FREM1: variants seen among roughly 807,000 people sequenced by gnomAD.
FREM1 encodes FRAS1-related extracellular matrix protein 1.
Under a neutral mutation model 210.1 loss-of-function variants are expected in FREM1, and 220 were observed. The ratio of observed to expected loss-of-function variants is 1.05; its 90% CI spans 0.94 to 1.17. The LOEUF is 1.17. Ranked by LOEUF, FREM1 falls within the 50% of genes most tolerant of loss-of-function variation. The pLI, the probability that FREM1 is intolerant of heterozygous loss-of-function variation, is 0.00. For missense variants in FREM1, 3,454 were observed against 2,675.5 expected (o/e 1.29, Z -6.42); for synonymous variants, 1,189 against 980.2 (o/e 1.21, Z -3.98).
Position 14,841,460 on chromosome 9 carries a change from A to G in FREM1, c.1868T>C (p.Leu623Pro), listed in dbSNP as rs778350784. 6.2e-7 allele frequency: 1 copy of G among 1,606,028 alleles called. No homozygotes were observed. Among genetic ancestry groups the G allele is most frequent in the South Asian group, 1.1e-5 (1 of 89,712 alleles). The change falls in exon 10 of 37, where the codon CTT becomes CCT. Residue 623 changes from leucine (L) to proline (P), a missense_variant. By Grantham distance (98) the Leu-to-Pro change is moderately conservative. Coordinates refer to ENST00000380880, the MANE Select transcript of FREM1 (RefSeq NM_001379081.2). ...VLWDSHEPPN[L>P]SVPQVATIHI... ...ACAGTCTCTTACCTGTGGCACTGAA[A>G]GATTTGGAGGTTCATGGCTGTCCCA...
At chr9:14,803,014 CCTTT>C (rs1390542008) in intron 19 of FREM1, among the ~76,000 whole-genome samples, 3 of 145,980 alleles carry the variant, frequency 2.1e-5, no homozygotes, top group African/African-American at 5.1e-5. Context: ...TTCCTCCCTC[CCTTT>C]CTTTCTTCTT....
chr9:14,759,800 G>A lies in FREM1; in HGVS notation c.5306C>T (p.Ser1769Phe), dbSNP rs767052446. The A allele has an allele frequency of 6.2e-7, 1 of 1,611,826 alleles. No individual in the cohort carries two copies. The highest frequency in any genetic ancestry group is 8.5e-7 in the Non-Finnish European group (1 of 1,178,724). ...LPLEIIRRGYSMDSAFVGIKV... is the reference protein window; with the variant it reads ...LPLEIIRRGYFMDSAFVGIKV... ...TATACCCACAAAGGCCGAGTCCATG[G>A]AATATCCCCTTCTGATAATTTCCAA... Residue 1769 changes from serine (S) to phenylalanine (F), a missense_variant, in exon 28 of 37, where the codon TCC becomes TTC. By Grantham distance (155) the Ser-to-Phe change is radical. Coordinates refer to ENST00000380880, the MANE Select transcript of FREM1 (RefSeq NM_001379081.2).
rs755882823 is a variant in FREM1 at position 14,784,584 on chromosome 9, C to G, written c.4228G>C (p.Gly1410Arg). ...KPLVVSKGDR[G>R]FLTTTTLLAV... ...AGGAGCGTGGTGGTTGTTAAGAAAC[C>G]TCTATCACCTTTAGACACCACGAGT... The change falls in exon 24 of 37, where the codon GGT (glycine) becomes CGT (arginine). Residue 1410 changes from glycine to arginine, a missense_variant. Gly to Arg is a moderately radical substitution (Grantham distance 125). Transcript: ENST00000380880. 1.9e-6 allele frequency: 3 copies of G among 1,609,526 alleles called. No individual in the cohort carries two copies. The highest frequency in any genetic ancestry group is 2.5e-6 in the Non-Finnish European group (3 of 1,177,816).
chr9:14,860,694 CACACATATATACACACATATAT>C (rs1450216008), intron 3 of FREM1, among the ~76,000 whole-genome samples: 5 of 93,656 alleles, frequency 5.3e-5, no homozygotes, highest in Admixed American at 2.3e-4. Flanking sequence ...CACATATATA[CACACATATATACACACATATAT>C]ACACATATAT....
At chr9:14,766,628 A>T (rs1196127387) in intron 27 of FREM1, among the ~76,000 whole-genome samples, 1 of 152,112 alleles carries the variant, frequency 6.6e-6, no homozygotes, top group Non-Finnish European at 1.5e-5. Flanking sequence ...CAATAGCCAA[A>T]ACTGACCAAC....
rs1045575161 is a variant in FREM1, at chr9:14,740,297, T to C, written c.6255-63A>G. 1.3e-5 allele frequency: 16 copies of C among 1,200,202 alleles called. 1 individual carries two copies. In the South Asian group the frequency reaches 1.6e-4, roughly 12 times the overall value. The allele number at this position is 1,200,202 out of a possible 1,614,324, so 74.3% of individuals were successfully genotyped here. Reference sequence around the variant, plus strand: ...AGTTAACATTTCTGCTGATACGAAATGCATAACAGAAATAAAAGTAAGTTT... The same window carrying C: ...AGTTAACATTTCTGCTGATACGAAACGCATAACAGAAATAAAAGTAAGTTT... On this transcript the variant is annotated intron_variant, in intron 35 of 36. Transcript: ENST00000380880.
rs762917890 is a variant in FREM1 at position 14,842,480 on chromosome 9, A to T, written c.1574T>A (p.Ile525Lys). The change falls in exon 9 of 37, where the codon ATA becomes AAA. Residue 525 changes from isoleucine to lysine, a missense_variant. Physicochemically the swap from Ile to Lys is moderately radical, Grantham distance 102. Coordinates refer to ENST00000380880, the MANE Select transcript of FREM1 (RefSeq NM_001379081.2). Reference sequence around the variant, plus strand: ...CTCCAGTTCAATCACAACATTGGTTATGAGGAACGGGGGACTATCATCTTT... The same window carrying T: ...CTCCAGTTCAATCACAACATTGGTTTTGAGGAACGGGGGACTATCATCTTT... ...LPKDDSPPFL[I>K]TNVVIELEEG... 13 of 1,614,044 alleles carry T rather than the reference A, an allele frequency of 8.1e-6. 1 individual carries two copies. The highest frequency in any genetic ancestry group is 8.5e-6 in the Non-Finnish European group (10 of 1,179,882).
At chr9:14,813,382 T>C (rs75696493) in intron 15 of FREM1, among the ~76,000 whole-genome samples, 4,714 of 152,284 alleles carry the variant, frequency 0.031, 216 homozygotes, top group African/African-American at 0.1. Flanking sequence ...CCAAAGCCCC[T>C]ATCCTCTTTC....
Position 14,870,360 on chromosome 9 carries a change from A to G in FREM1, c.-267-1116T>C, listed in dbSNP as rs370139216. Among the ~76,000 whole-genome samples the G allele has an allele frequency of 8.5e-5, 13 of 152,300 alleles. No individual in the cohort carries two copies. The South Asian group carries it at 2.5e-3, about 29-fold the overall frequency. On this transcript the variant is annotated intron_variant, in intron 1 of 36. Transcript: ENST00000380880. ...TACAGAGCAGCCTGTTTTTTATGGT[A>G]TCAGTCCCAGAGTAAAACTGTTCTC...
In FREM1 at chr9:14,781,770, C is replaced by T. The variant is rs374279323; in HGVS notation, c.4442+2600G>A. 1.5e-4 allele frequency among the ~76,000 whole-genome samples: 23 copies of T among 152,302 alleles called. 1 individual carries two copies. The highest frequency in any genetic ancestry group is 3.3e-4 in the Admixed American group (5 of 15,302). On this transcript the variant is annotated intron_variant, in intron 24 of 36. Transcript: ENST00000380880. ...CCAGGCTGGAGTGTAGTGGCACCAT[C>T]GTGGCTCACTGCAACTTCTGCCTCC...
At chr9:14,848,282 A>T (rs960083132) in intron 7 of FREM1, among the ~76,000 whole-genome samples, 3 of 152,238 alleles carry the variant, frequency 2.0e-5, no homozygotes, top group African/African-American at 7.2e-5. Context: ...GCCCAACATA[A>T]AAATAGACTA....
intron 1 of FREM1, among the ~76,000 whole-genome samples, chr9:14,886,672 G>C (rs925333879): frequency 2.0e-5 from 3 of 151,934 alleles, no homozygotes; most frequent in Non-Finnish European, 4.4e-5. Context: ...AAGGAAGGTG[G>C]ATGACTTGAG....
In FREM1 at chr9:14,740,239, A is replaced by G; in HGVS notation, c.6255-5T>C. 1 of 1,606,288 alleles carries G rather than the reference A, an allele frequency of 6.2e-7. No individual in the cohort carries two copies. The highest frequency in any genetic ancestry group is 8.5e-7 in the Non-Finnish European group (1 of 1,173,266). ...GTTACAAGGTTGCCCAGGTATCTAA[A>G]TGCAAATGAAAATGAGAGTATCAGC... On this transcript the variant is annotated splice_polypyrimidine_tract_variant and splice_region_variant and intron_variant, in intron 35 of 36. Coordinates refer to ENST00000380880, the MANE Select transcript of FREM1 (RefSeq NM_001379081.2).
rs759296785 is a variant in FREM1 at position 14,836,230 on chromosome 9, T to C, written c.1881+5217A>G. On this transcript the variant is annotated intron_variant, in intron 10 of 36. Coordinates refer to ENST00000380880, the MANE Select transcript of FREM1 (RefSeq NM_001379081.2). The surrounding 1 kb of genome is among the most constrained non-coding windows in gnomAD (Gnocchi z 4.9). ...GCTGTCCTCACTCTACTATTTGCAA[T>C]AGGGTTATACACGGTAGCACCTTCA... is the stretch of plus-strand genomic sequence containing the variant. 7.2e-5 allele frequency among the ~76,000 whole-genome samples: 11 copies of C among 152,244 alleles called. No individual in the cohort carries two copies. Among genetic ancestry groups the C allele is most frequent in the Non-Finnish European group, 1.3e-4 (9 of 68,030 alleles).
chr9:14,790,718 A>T (rs564980328), intron 22 of FREM1: 1 of 152,268 alleles, frequency 6.6e-6, no homozygotes, highest in African/African-American at 2.4e-5. Context: ...GGGAGAGTCC[A>T]GGAGGGCTGG....
In FREM1 at chr9:14,851,485, T is replaced by A. The variant is rs1827744573; in HGVS notation, c.951A>T (p.Thr317=). The A allele has an allele frequency of 1.2e-6, 2 of 1,613,868 alleles. No homozygotes were observed. The highest frequency in any genetic ancestry group is 2.2e-5 in the East Asian group (1 of 44,890). The change falls in exon 6 of 37, where the codon ACA becomes ACT. Residue 317 remains threonine (T), a synonymous_variant. Transcript: ENST00000380880. ...CATCTTCTTCACAGTCCAGAACTGA[T>A]GTAGTCAAGGAGGTCAGGATGAACT... ...VDQFILTSLT[T]SVLDCEEDET... is the part of the protein sequence containing the mutation.
chr9:14,877,680 T>C lies in FREM1; in HGVS notation c.-267-8436A>G, dbSNP rs186379671. ...AGAAGCAAGCCTCCATGGATTCTACTGTCACAAGGAAATGAATCCTGCCAA... is the reference window on the plus strand; with the variant it reads ...AGAAGCAAGCCTCCATGGATTCTACCGTCACAAGGAAATGAATCCTGCCAA... On this transcript the variant is annotated intron_variant, in intron 1 of 36. Coordinates refer to ENST00000380880, the MANE Select transcript of FREM1 (RefSeq NM_001379081.2). 2.0e-5 allele frequency among the ~76,000 whole-genome samples: 3 copies of C among 152,056 alleles called. No homozygotes were observed. In the East Asian group the frequency reaches 5.8e-4, roughly 29 times the overall value.
intron 19 of FREM1, 50 bp downstream of exon 19, chr9:14,804,906 A>G (rs765989856): frequency 7.0e-7 from 1 of 1,431,290 alleles, no homozygotes; most frequent in East Asian, 2.3e-5. Flanking sequence ...AATTGAAAAT[A>G]AAAATCAAAA....
At chr9:14,904,662 C>G (rs1817381261) in intron 1 of FREM1, among the ~76,000 whole-genome samples, 1 of 152,082 alleles carries the variant, frequency 6.6e-6, no homozygotes, top group South Asian at 2.1e-4. Context: ...TCAGTGCTGT[C>G]CAATAATGGC....
Sources: gnomAD v4.1 joint callset for allele counts (sites outside exome capture counted in the v4.1 genomes callset) on GRCh38, gnomAD v4.1.1 for gene constraint, Gnocchi (gnomAD v3.1) non-coding constraint, MANE v1.5 for transcripts, NCBI Gene and HGNC (gene_info 2026-07-23, HGNC 2026-07-21) for gene names.